Variants in KANK4 observed in about 807,000 individuals in gnomAD.
The protein encoded by KANK4 is KN motif and ankyrin repeat domains 4, also known as KN motif and ankyrin repeat domain-containing protein 4.
A neutral mutation model predicts 80.8 loss-of-function variants in KANK4; 50 were observed. That is an observed-to-expected ratio of 0.62 (90% CI 0.49 to 0.78). KANK4 has a LOEUF of 0.78. KANK4 is among the 30% of genes least tolerant of loss of function. The pLI is 0.00. For synonymous variants in KANK4, 465 were observed against 506.9 expected (o/e 0.92, Z 1.11); for missense variants, 1,196 against 1,240.1 (o/e 0.96, Z 0.53).
intron 6 of KANK4, among the ~76,000 whole-genome samples, chr1:62,264,472 A>C (rs1026124452): frequency 6.6e-6 from 1 of 152,230 alleles, no homozygotes; most frequent in African/African-American, 2.4e-5. Context: ...GGGACCTTGG[A>C]AGTCATACAA....
chr1:62,295,333 A>G (rs1324326008), intron 1 of KANK4, among the ~76,000 whole-genome samples: 1 of 152,122 alleles, frequency 6.6e-6, no homozygotes, highest in Non-Finnish European at 1.5e-5. Context: ...TAGTAGAGAC[A>G]GGGTTTCGCC....
chr1:62,245,096 G>A (rs17123225), intron 9 of KANK4, among the ~76,000 whole-genome samples: 9,634 of 152,210 alleles, frequency 0.063, 699 homozygotes, highest in African/African-American at 0.18. Flanking sequence ...AGGCCTCTTC[G>A]GGCATCAGCA....
At chr1:62,252,980 T>C (rs1671657824) in intron 8 of KANK4, 87 bp downstream of exon 8, 10 of 1,478,938 alleles carry the variant, frequency 6.8e-6, no homozygotes, top group Non-Finnish European at 9.3e-6. Context: ...TACATGGATC[T>C]GCATGGAATT....
intron 7 of KANK4, among the ~76,000 whole-genome samples, chr1:62,259,226 C>T (rs529416299): frequency 2.0e-4 from 31 of 152,188 alleles, no homozygotes; most frequent in Admixed American, 5.2e-4. Flanking sequence ...AAGAGTTATG[C>T]TCTACCTCCT....
intron 1 of KANK4, among the ~76,000 whole-genome samples, chr1:62,286,176 G>C (rs1430460060): frequency 6.6e-6 from 1 of 152,234 alleles, no homozygotes; most frequent in African/African-American, 2.4e-5. Flanking sequence ...AAACAGTCGG[G>C]AGGAACGCTG....
At chr1:62,301,922 G>A (rs922121602) in intron 1 of KANK4, among the ~76,000 whole-genome samples, 1 of 151,870 alleles carries the variant, frequency 6.6e-6, no homozygotes, top group African/African-American at 2.4e-5. Context: ...GTTGGGGGTG[G>A]GGGGTGGTGA....
At chr1:62,283,326 T>C (rs1332835235) in intron 1 of KANK4, among the ~76,000 whole-genome samples, 1 of 152,178 alleles carries the variant, frequency 6.6e-6, no homozygotes, top group Non-Finnish European at 1.5e-5. Flanking sequence ...ATGCAATCTT[T>C]ACACCATCAC....
chr1:62,313,631 A>G (rs966755120), intron 1 of KANK4, among the ~76,000 whole-genome samples: 18 of 152,160 alleles, frequency 1.2e-4, no homozygotes, highest in African/African-American at 3.9e-4. Context: ...GTTCTCATTC[A>G]TAAGTAAGAG....
chr1:62,307,900 C>T (rs556883276), intron 1 of KANK4, among the ~76,000 whole-genome samples: 28 of 152,204 alleles, frequency 1.8e-4, no homozygotes, highest in Non-Finnish European at 3.7e-4. Context: ...ACCCATGTGC[C>T]TGCCAGCTAG....
At chr1:62,294,701 A>G (rs1357315144) in intron 1 of KANK4, among the ~76,000 whole-genome samples, 1 of 152,230 alleles carries the variant, frequency 6.6e-6, no homozygotes, top group Non-Finnish European at 1.5e-5. Context: ...TTATTATTTC[A>G]CAATGCCCCA....
At chr1:62,317,365 G>C (rs1644550188) in intron 1 of KANK4, among the ~76,000 whole-genome samples, 2 of 152,170 alleles carry the variant, frequency 1.3e-5, no homozygotes, top group African/African-American at 2.4e-5. Context: ...CCACGAGCAG[G>C]CATGGGCTGT....
At chr1:62,309,278 AC>A (rs1644479248) in intron 1 of KANK4, among the ~76,000 whole-genome samples, 1 of 152,100 alleles carries the variant, frequency 6.6e-6, no homozygotes, top group African/African-American at 2.4e-5. Context: ...CACCTTCATG[AC>A]CTAAGTTACC....
At chr1:62,266,965 T>G in intron 5 of KANK4, 146 bp from the exon 6 acceptor site, 1 of 582,838 alleles carries the variant, frequency 1.7e-6, no homozygotes, top group South Asian at 2.2e-5. Flanking sequence ...GCTTCAAAAA[T>G]CTGGAGTGAC....
At chr1:62,260,171 C>T (rs958916524) in intron 7 of KANK4, among the ~76,000 whole-genome samples, 6 of 152,184 alleles carry the variant, frequency 3.9e-5, no homozygotes, top group Admixed American at 3.3e-4. Context: ...AATAGCCCAG[C>T]GTCTTGCTTC....
intron 6 of KANK4, among the ~76,000 whole-genome samples, chr1:62,265,986 G>A (rs573512590): frequency 2.6e-5 from 4 of 152,218 alleles, no homozygotes; most frequent in African/African-American, 9.6e-5. Context: ...CCTGAGCATC[G>A]AACTGACTTG....
intron 2 of KANK4, among the ~76,000 whole-genome samples, chr1:62,276,455 T>C (rs745778276): frequency 6.6e-6 from 1 of 151,980 alleles, no homozygotes; most frequent in Non-Finnish European, 1.5e-5. Context: ...ATCTGTAAAG[T>C]GGGAATAATA....
At chr1:62,260,008 C>T (rs998110478) in intron 7 of KANK4, among the ~76,000 whole-genome samples, 2 of 152,206 alleles carry the variant, frequency 1.3e-5, no homozygotes, top group Admixed American at 1.3e-4. Context: ...CTGTTAACTA[C>T]CCCTTTCCAG....
At chr1:62,279,198 G>GCGCACACACACA (rs1282615199) in intron 2 of KANK4, among the ~76,000 whole-genome samples, 27 of 146,278 alleles carry the variant, frequency 1.8e-4, no homozygotes, top group African/African-American at 2.8e-4. Context: ...GCTAGCGCGC[G>GCGCACACACACA]CACACACACA....
At chr1:62,275,886 A>G (rs1484530646) in intron 2 of KANK4, among the ~76,000 whole-genome samples, 13 of 90,000 alleles carry the variant, frequency 1.4e-4, no homozygotes, top group African/African-American at 2.3e-4. Flanking sequence ...GGAAGGGAGG[A>G]AGGAAGGAAG....
Sources: allele counts gnomAD v4.1 joint callset (sites outside exome capture counted in the v4.1 genomes callset), GRCh38; gene constraint gnomAD v4.1.1; transcripts MANE v1.5; gene names NCBI Gene and HGNC (gene_info 2026-07-23, HGNC 2026-07-21).